The following CASK variants were observed in gnomAD, a reference collection of about 807,000 sequenced individuals.
CASK encodes peripheral plasma membrane protein CASK.
A neutral mutation model predicts 82.9 loss-of-function variants in CASK; 4 were observed. That is an observed-to-expected ratio of 0.05 (90% CI 0.02 to 0.11). The LOEUF is 0.11. CASK is among the 10% of genes least tolerant of loss of function. The probability of loss-of-function intolerance (pLI) is 1.00; values close to 1 mark genes in which losing one functional copy is unlikely to be tolerated. For synonymous variants in CASK, 259 were observed against 253.5 expected (o/e 1.02, Z -0.20); for missense variants, 358 against 720.9 (o/e 0.50, Z 5.76).
chrX:41,919,973 GA>G (rs964491059), intron 1 of CASK, among the ~76,000 whole-genome samples: 2 of 111,695 alleles, frequency 1.8e-5, no homozygotes, highest in South Asian at 3.7e-4. Flanking sequence ...AACCAAGGGG[GA>G]AAAAAACACA....
chrX:41,610,140 C>T, intron 11 of CASK, 115 bp from the exon 12 acceptor site: 1 of 746,226 alleles, frequency 1.3e-6, no homozygotes, highest in Non-Finnish European at 2.0e-6. Flanking sequence ...ACTTCAAAGG[C>T]TAGTGTCTTT....
At chrX:41,839,686 A>C (rs1292740615) in intron 2 of CASK, among the ~76,000 whole-genome samples, 1 of 111,432 alleles carries the variant, frequency 9.0e-6, no homozygotes, top group Non-Finnish European at 1.9e-5. Flanking sequence ...ACTGAAGAAG[A>C]ATGGTGAAAG....
chrX:41,777,781 T>C (rs969147852), intron 3 of CASK, among the ~76,000 whole-genome samples: 2 of 111,907 alleles, frequency 1.8e-5, no homozygotes, highest in East Asian at 2.8e-4. Flanking sequence ...ATGTGAGGCA[T>C]TGTACTGAGA....
intron 8 of CASK, among the ~76,000 whole-genome samples, chrX:41,642,197 A>C (rs893389812): frequency 1.8e-5 from 2 of 111,483 alleles, no homozygotes; most frequent in Non-Finnish European, 3.8e-5. Context: ...ATAGTGCTGT[A>C]ATAAACAGAC....
chrX:41,712,690 G>A (rs904415077), intron 5 of CASK, among the ~76,000 whole-genome samples: 3 of 112,628 alleles, frequency 2.7e-5, no homozygotes, highest in African/African-American at 9.7e-5. Flanking sequence ...CACCAAGTAC[G>A]GATGAGAGGG....
At chrX:41,603,218 C>T (rs1602331178) in intron 12 of CASK, among the ~76,000 whole-genome samples, 1 of 112,144 alleles carries the variant, frequency 8.9e-6, no homozygotes, top group African/African-American at 3.2e-5. Context: ...TTTAAATATC[C>T]AAACCTAACA....
At chrX:41,704,709 T>C (rs1452171283) in intron 5 of CASK, among the ~76,000 whole-genome samples, 1 of 112,203 alleles carries the variant, frequency 8.9e-6, no homozygotes, top group Non-Finnish European at 1.9e-5. Context: ...CAATAGGTTT[T>C]CTTATCCCAA....
At chrX:41,659,830 T>C (rs1405487301) in intron 8 of CASK, among the ~76,000 whole-genome samples, 6 of 109,457 alleles carry the variant, frequency 5.5e-5, no homozygotes, top group African/African-American at 1.3e-4. Context: ...GAAACCCCCA[T>C]CTCTACAAAA....
intron 14 of CASK, among the ~76,000 whole-genome samples, chrX:41,580,383 G>A (rs1359318718): frequency 9.0e-6 from 1 of 111,169 alleles, no homozygotes; most frequent in Non-Finnish European, 1.9e-5. Flanking sequence ...GTTTCATCAT[G>A]TTGCCCAGGC....
intron 5 of CASK, among the ~76,000 whole-genome samples, chrX:41,723,340 G>A (rs1354081187): frequency 8.9e-6 from 1 of 111,950 alleles, no homozygotes; most frequent in Non-Finnish European, 1.9e-5. Flanking sequence ...CTCCCCAGAT[G>A]TACACACTTA....
chrX:41,643,456 T>C (rs1457174912), intron 8 of CASK, among the ~76,000 whole-genome samples: 1 of 111,837 alleles, frequency 8.9e-6, no homozygotes, highest in Non-Finnish European at 1.9e-5. Context: ...CATTGAGCAG[T>C]GGTTTGTAGC....
intron 13 of CASK, chrX:41,587,622 T>C (rs1354479784): frequency 1.8e-5 from 2 of 112,077 alleles, no homozygotes; most frequent in East Asian, 5.6e-4. Flanking sequence ...AGAGAACAAT[T>C]TTTTAAAGCC....
intron 6 of CASK, among the ~76,000 whole-genome samples, chrX:41,670,370 A>G (rs1286711312): frequency 8.9e-6 from 1 of 112,556 alleles, no homozygotes; most frequent in Non-Finnish European, 1.9e-5. Context: ...GGAAATGATT[A>G]ACTGGAAAAG....
chrX:41,859,754 G>A (rs1223105745), intron 1 of CASK, among the ~76,000 whole-genome samples: 2 of 111,232 alleles, frequency 1.8e-5, no homozygotes, highest in Non-Finnish European at 3.8e-5. Flanking sequence ...CAATGTTAAT[G>A]AATCAACAGT....
chrX:41,844,150 G>A (rs2071102756), intron 2 of CASK, among the ~76,000 whole-genome samples: 1 of 111,627 alleles, frequency 9.0e-6, no homozygotes, highest in African/African-American at 3.2e-5. Context: ...TTGAGAATGT[G>A]TGTGTTTACA....
intron 21 of CASK, among the ~76,000 whole-genome samples, chrX:41,547,416 C>T (rs2065038665): frequency 9.0e-6 from 1 of 110,627 alleles, no homozygotes; most frequent in Admixed American, 9.7e-5. Context: ...GACTGTGTCC[C>T]TGTGGTATCT....
intron 1 of CASK, among the ~76,000 whole-genome samples, chrX:41,854,236 A>G (rs993040813): frequency 6.6e-5 from 7 of 106,713 alleles, no homozygotes; most frequent in African/African-American, 1.7e-4. Context: ...ACACACACAC[A>G]CACACACACA....
At chrX:41,902,277 T>C (rs1467633347) in intron 1 of CASK, among the ~76,000 whole-genome samples, 1 of 112,171 alleles carries the variant, frequency 8.9e-6, no homozygotes, top group East Asian at 2.8e-4. Context: ...CACAAATTTA[T>C]TCTCTTACAG....
chrX:41,528,613 G>A (rs908757419), intron 25 of CASK, among the ~76,000 whole-genome samples: 16 of 112,423 alleles, frequency 1.4e-4, no homozygotes, highest in African/African-American at 5.2e-4. Context: ...CTTCTGAATT[G>A]TATTCTTAGC....
Sources: gnomAD v4.1 joint callset for allele counts (sites outside exome capture counted in the v4.1 genomes callset) on GRCh38, gnomAD v4.1.1 for gene constraint, MANE v1.5 for transcripts, NCBI Gene and HGNC (gene_info 2026-07-23, HGNC 2026-07-21) for gene names.